Variants in VWC2 observed in about 807,000 individuals in gnomAD.
VWC2 encodes the protein von Willebrand factor C domain containing 2.
A neutral mutation model predicts 29.8 loss-of-function variants in VWC2; 14 were observed. That is an observed-to-expected ratio of 0.47 (90% CI 0.31 to 0.74). The LOEUF is 0.74. VWC2 is among the 30% of genes least tolerant of loss of function. VWC2 has a pLI of 0.05. For synonymous variants in VWC2, 213 were observed against 199.0 expected (o/e 1.07, Z -0.59); for missense variants, 457 against 459.8 (o/e 0.99, Z 0.05).
At chr7:49,817,250 C>T (rs1789168676) in intron 3 of VWC2, among the ~76,000 whole-genome samples, 1 of 152,208 alleles carries the variant, frequency 6.6e-6, no homozygotes, top group African/African-American at 2.4e-5. Context: ...AAAATATCTC[C>T]AGCCTGTGTC....
chr7:49,830,519 C>A (rs527391441), intron 3 of VWC2, among the ~76,000 whole-genome samples: 1 of 152,084 alleles, frequency 6.6e-6, no homozygotes, highest in Non-Finnish European at 1.5e-5. Context: ...CAGGTTTTCT[C>A]TTTTTTATTA....
At chr7:49,823,263 C>A (rs1352044323) in intron 3 of VWC2, among the ~76,000 whole-genome samples, 1 of 152,124 alleles carries the variant, frequency 6.6e-6, no homozygotes. Flanking sequence ...TGAGAAGAGG[C>A]TGCCACTTGG....
chr7:49,774,004 G>C lies in VWC2; in HGVS notation c.-213G>C, dbSNP rs890865667. 2.6e-5 allele frequency: 4 copies of C among 151,810 alleles called. No homozygotes were observed. The highest frequency in any genetic ancestry group is 4.4e-5 in the Non-Finnish European group (3 of 67,956). 9.4% of individuals were successfully genotyped at this position (151,810 alleles called of 1,614,324 possible). A position where few individuals can be genotyped will look rare whatever the true frequency, so the allele number is the denominator to read the frequency against. On this transcript the variant is annotated 5_prime_UTR_variant, in exon 1 of 4. Coordinates refer to ENST00000340652, the MANE Select transcript of VWC2 (RefSeq NM_198570.5). Reference sequence around the variant, plus strand: ...CTGGGCTGTTAGTGGTCCGCCCCACGCGGGTCGCCGGCCGGCCCAGGATGG... The same window carrying C: ...CTGGGCTGTTAGTGGTCCGCCCCACCCGGGTCGCCGGCCGGCCCAGGATGG...
intron 3 of VWC2, among the ~76,000 whole-genome samples, chr7:49,903,077 A>G (rs1376223818): frequency 2.0e-5 from 3 of 152,242 alleles, no homozygotes; most frequent in Admixed American, 6.5e-5. Context: ...CTATACATCA[A>G]TATAATGGCT....
intron 3 of VWC2, among the ~76,000 whole-genome samples, chr7:49,826,890 C>A (rs1395491713): frequency 6.6e-6 from 1 of 152,050 alleles, no homozygotes; most frequent in East Asian, 1.9e-4. Context: ...TACCATGTAT[C>A]ATTTATGCCT....
At chr7:49,788,126 A>G (rs1258713602) in intron 2 of VWC2, among the ~76,000 whole-genome samples, 1 of 152,200 alleles carries the variant, frequency 6.6e-6, no homozygotes, top group East Asian at 1.9e-4. Flanking sequence ...ATTCAGGGCC[A>G]GTGATGGGAA....
chr7:49,804,025 G>A (rs1175082439), intron 3 of VWC2, among the ~76,000 whole-genome samples: 1 of 152,086 alleles, frequency 6.6e-6, no homozygotes, highest in African/African-American at 2.4e-5. Context: ...AAAGGCAAGT[G>A]GACAGTGTTA....
At chr7:49,811,951 T>C (rs1789020408) in intron 3 of VWC2, among the ~76,000 whole-genome samples, 1 of 152,200 alleles carries the variant, frequency 6.6e-6, no homozygotes. Context: ...AGTGAATGGA[T>C]ACACAAATGT....
chr7:49,879,874 T>C (rs2128726656), intron 3 of VWC2, among the ~76,000 whole-genome samples: 1 of 152,284 alleles, frequency 6.6e-6, no homozygotes, highest in South Asian at 2.1e-4. Flanking sequence ...CAGAAAGTTA[T>C]TTGGTTTTCT....
intron 3 of VWC2, among the ~76,000 whole-genome samples, chr7:49,818,256 A>G (rs924531292): frequency 5.3e-5 from 8 of 152,164 alleles, no homozygotes; most frequent in African/African-American, 1.4e-4. Flanking sequence ...TATTTCCCAA[A>G]TTGGACTAGA....
At chr7:49,896,425 A>G (rs1430585887) in intron 3 of VWC2, among the ~76,000 whole-genome samples, 1 of 152,224 alleles carries the variant, frequency 6.6e-6, no homozygotes, top group East Asian at 1.9e-4. Context: ...TGAAATGCTC[A>G]CATTAGAAAA....
chr7:49,774,231 C>G (rs995117922), intron 1 of VWC2, 118 bp downstream of exon 1: 1 of 152,718 alleles, frequency 6.5e-6, no homozygotes, highest in South Asian at 2.1e-4. Flanking sequence ...CCCCCTCCCC[C>G]GCCCAAGTTT....
At chr7:49,833,400 A>T (rs1000196201) in intron 3 of VWC2, among the ~76,000 whole-genome samples, 7 of 152,222 alleles carry the variant, frequency 4.6e-5, no homozygotes, top group African/African-American at 1.7e-4. Context: ...ACAATAAGCC[A>T]ATCACTGAGA....
chr7:49,780,773 G>A (rs779533190), intron 2 of VWC2, among the ~76,000 whole-genome samples: 29 of 152,184 alleles, frequency 1.9e-4, no homozygotes, highest in Non-Finnish European at 3.8e-4. Context: ...GAACTGTTGA[G>A]AGAGAGATAA....
intron 3 of VWC2, among the ~76,000 whole-genome samples, chr7:49,894,080 T>C (rs990667282): frequency 1.3e-5 from 2 of 152,176 alleles, no homozygotes; most frequent in Admixed American, 6.5e-5. Context: ...TAGACACCTA[T>C]GTGTGTCGTT....
chr7:49,815,823 A>T (rs183092685), intron 3 of VWC2, among the ~76,000 whole-genome samples: 172 of 152,338 alleles, frequency 1.1e-3, no homozygotes, highest in Admixed American at 2.5e-3. Context: ...TACCAGGATG[A>T]ATTTCAAAGT....
chr7:49,807,813 A>C (rs1385696318), intron 3 of VWC2, among the ~76,000 whole-genome samples: 2 of 152,228 alleles, frequency 1.3e-5, no homozygotes, highest in African/African-American at 4.8e-5. Flanking sequence ...AACACTATTA[A>C]ACAAGCACAA....
intron 3 of VWC2, among the ~76,000 whole-genome samples, chr7:49,884,563 C>A (rs186647070): frequency 6.6e-6 from 1 of 152,074 alleles, no homozygotes; most frequent in African/African-American, 2.4e-5. Context: ...AGTTCTAAGA[C>A]AAATATAAAT....
chr7:49,802,622 A>G lies in VWC2; in HGVS notation c.697-89A>G, dbSNP rs1042897722. 4.5e-6 allele frequency: 7 copies of G among 1,545,392 alleles called. No individual in the cohort carries two copies. In the South Asian group the frequency reaches 4.8e-5, roughly 11 times the overall value. Reference sequence around the variant, plus strand: ...CACTGCACTCCAGTGTGAGCGACAGAGCGAGACTCCATTTCAAAAAAATAT... The same window carrying G: ...CACTGCACTCCAGTGTGAGCGACAGGGCGAGACTCCATTTCAAAAAAATAT... On this transcript the variant is annotated intron_variant, in intron 2 of 3. Transcript: ENST00000340652.
Sources: allele counts gnomAD v4.1 joint callset (sites outside exome capture counted in the v4.1 genomes callset), GRCh38; gene constraint gnomAD v4.1.1; transcripts MANE v1.5; gene names NCBI Gene and HGNC (gene_info 2026-07-23, HGNC 2026-07-21).